ZFPM2: variants seen among roughly 807,000 people sequenced by gnomAD.
ZFPM2 encodes the protein zinc finger protein ZFPM2.
ZFPM2 carries 20 observed loss-of-function variants against 98.6 expected under a neutral mutation model. The ratio of observed to expected loss-of-function variants is 0.20; its 90% CI spans 0.14 to 0.29. ZFPM2 has a LOEUF of 0.29. Ranked by LOEUF, ZFPM2 falls within the 10% of genes least tolerant of loss-of-function variation. The pLI is 1.00. For synonymous variants in ZFPM2, 518 were observed against 502.7 expected (o/e 1.03, Z -0.41); for missense variants, 1,310 against 1,388.6 (o/e 0.94, Z 0.90).
intron 3 of ZFPM2, among the ~76,000 whole-genome samples, chr8:105,533,968 C>A (rs1486203066): frequency 3.1e-5 from 1 of 32,168 alleles, no homozygotes; most frequent in Non-Finnish European, 5.7e-5. Flanking sequence ...CCCTCCCTCC[C>A]TCTCCTCCCT....
intron 1 of ZFPM2, among the ~76,000 whole-genome samples, chr8:105,393,337 CCTTTCTTTCTTTCTTTCTTTCTTT>C (rs1196120373): frequency 1.1e-3 from 122 of 114,776 alleles, no homozygotes; most frequent in Non-Finnish European, 7.9e-4. Flanking sequence ...TCTCTCTTTG[CCTTTCTTTCTTTCTTTCTTTCTTT>C]CTTTCTTTCT....
chr8:105,729,872 A>G (rs941740247), intron 5 of ZFPM2, among the ~76,000 whole-genome samples: 6 of 151,166 alleles, frequency 4.0e-5, no homozygotes, highest in Admixed American at 2.7e-4. Flanking sequence ...TACTCTCTCT[A>G]TTAAATATAT....
intron 3 of ZFPM2, among the ~76,000 whole-genome samples, chr8:105,473,585 G>A (rs1322765279): frequency 1.3e-5 from 2 of 152,138 alleles, no homozygotes; most frequent in African/African-American, 2.4e-5. Flanking sequence ...TGCCACAGAA[G>A]AGTTGAGGAG....
intron 5 of ZFPM2, among the ~76,000 whole-genome samples, chr8:105,708,476 C>T (rs576457718): frequency 1.1e-4 from 17 of 152,264 alleles, no homozygotes; most frequent in African/African-American, 4.1e-4. Context: ...ACTGCCCAGG[C>T]TGGAGTGCAG....
intron 3 of ZFPM2, among the ~76,000 whole-genome samples, chr8:105,498,891 G>C (rs192537853): frequency 6.6e-6 from 1 of 152,286 alleles, no homozygotes; most frequent in East Asian, 1.9e-4. Flanking sequence ...ACTAATATCT[G>C]TCTCATGGGA....
intron 4 of ZFPM2, among the ~76,000 whole-genome samples, chr8:105,588,534 A>C (rs1461813052): frequency 1.3e-5 from 2 of 152,056 alleles, no homozygotes; most frequent in Non-Finnish European, 2.9e-5. Flanking sequence ...CTTCCCATTG[A>C]CCCTTTGGGT....
At chr8:105,762,842 T>A (rs1023988379) in intron 5 of ZFPM2, among the ~76,000 whole-genome samples, 4 of 151,864 alleles carry the variant, frequency 2.6e-5, no homozygotes, top group Admixed American at 6.6e-5. Flanking sequence ...AACCTTATGA[T>A]AATGTTTCCC....
intron 4 of ZFPM2, among the ~76,000 whole-genome samples, chr8:105,595,962 CTG>C (rs1286876994): frequency 2.0e-5 from 3 of 148,566 alleles, no homozygotes; most frequent in East Asian, 2.0e-4. Flanking sequence ...ACCATATAAA[CTG>C]AGAGTATAGC....
At chr8:105,556,458 A>G (rs374691983) in intron 3 of ZFPM2, among the ~76,000 whole-genome samples, 2 of 152,172 alleles carry the variant, frequency 1.3e-5, no homozygotes, top group East Asian at 1.9e-4. Flanking sequence ...ACCTTTTTAG[A>G]AAGCTATTGC....
chr8:105,433,721 A>G (rs908996793), intron 2 of ZFPM2, among the ~76,000 whole-genome samples: 2 of 152,106 alleles, frequency 1.3e-5, no homozygotes, highest in African/African-American at 4.8e-5. Flanking sequence ...CGGGAGGTGG[A>G]GCTTGCAGTG....
intron 5 of ZFPM2, among the ~76,000 whole-genome samples, chr8:105,774,806 C>T (rs1813060885): frequency 6.6e-6 from 1 of 152,008 alleles, no homozygotes; most frequent in South Asian, 2.1e-4. Context: ...AGCAAAGGGG[C>T]AGAATTTCTT....
chr8:105,485,457 G>T (rs993720018), intron 3 of ZFPM2, among the ~76,000 whole-genome samples: 2 of 152,102 alleles, frequency 1.3e-5, no homozygotes, highest in South Asian at 4.1e-4. Flanking sequence ...GTTCAAGGCT[G>T]CAATGAGCTA....
At chr8:105,345,530 C>T (rs1812507429) in intron 1 of ZFPM2, among the ~76,000 whole-genome samples, 1 of 149,192 alleles carries the variant, frequency 6.7e-6, no homozygotes, top group Non-Finnish European at 1.5e-5. Context: ...TCATTTCTAC[C>T]ATCAAGGGAA....
At chr8:105,386,228 G>A (rs754840554) in intron 1 of ZFPM2, among the ~76,000 whole-genome samples, 1 of 152,144 alleles carries the variant, frequency 6.6e-6, no homozygotes, top group Non-Finnish European at 1.5e-5. Context: ...ATTTTTTAAA[G>A]GTAGAGATTG....
chr8:105,606,330 A>T (rs1045635801), intron 4 of ZFPM2, among the ~76,000 whole-genome samples: 1 of 151,798 alleles, frequency 6.6e-6, no homozygotes, highest in Non-Finnish European at 1.5e-5. Context: ...TTCTTCTTCT[A>T]TATACGTTCA....
chr8:105,710,725 G>T (rs2130975691), intron 5 of ZFPM2, among the ~76,000 whole-genome samples: 1 of 151,562 alleles, frequency 6.6e-6, no homozygotes, highest in South Asian at 2.1e-4. Context: ...GGGGGTGTAT[G>T]TGTGTGCAGT....
At chr8:105,560,169 C>CAAAAAAA (rs34623592) in intron 3 of ZFPM2, among the ~76,000 whole-genome samples, 1 of 67,608 alleles carries the variant, frequency 1.5e-5, no homozygotes, top group African/African-American at 6.5e-5. Flanking sequence ...AACTCTGTCT[C>CAAAAAAA]AAAAAAAAAA....
intron 3 of ZFPM2, among the ~76,000 whole-genome samples, chr8:105,509,617 A>G (rs7007968): frequency 0.4 from 61,443 of 151,948 alleles, 15,497 homozygotes; most frequent in African/African-American, 0.72. Context: ...GTTACATCTT[A>G]ATAGTTGAGG....
chr8:105,650,885 C>T (rs903550453), intron 5 of ZFPM2, among the ~76,000 whole-genome samples: 8 of 152,274 alleles, frequency 5.3e-5, no homozygotes, highest in South Asian at 2.1e-4. Flanking sequence ...CTATTAGGTC[C>T]GCTTGGTGCA....
Sources: gnomAD v4.1 joint callset for allele counts (sites outside exome capture counted in the v4.1 genomes callset) on GRCh38, gnomAD v4.1.1 for gene constraint, MANE v1.5 for transcripts, NCBI Gene and HGNC (gene_info 2026-07-23, HGNC 2026-07-21) for gene names.